The following MYOCD variants were observed in gnomAD, a reference collection of about 807,000 sequenced individuals.
The protein encoded by MYOCD is myocardin.
Under a neutral mutation model 96.1 loss-of-function variants are expected in MYOCD, and 32 were observed. That is an observed-to-expected ratio of 0.33 (90% CI 0.25 to 0.45). The LOEUF (loss-of-function observed/expected upper bound fraction) is 0.45, where lower values mean the gene tolerates loss of function less well. Ranked by LOEUF, MYOCD falls within the 20% of genes least tolerant of loss-of-function variation. The pLI, the probability that MYOCD is intolerant of heterozygous loss-of-function variation, is 1.00. For synonymous variants in MYOCD, 469 were observed against 469.0 expected (o/e 1.00, Z 0.00); for missense variants, 1,133 against 1,200.6 (o/e 0.94, Z 0.83).
rs7219813 is a variant in MYOCD at position 12,756,789 on chromosome 17, G to A, written c.2202+232G>A. Among the ~76,000 whole-genome samples, 38,611 of 151,452 alleles carry A rather than the reference G, an allele frequency of 0.25. 5,663 individuals are homozygous for A. Among genetic ancestry groups the A allele is most frequent in the East Asian group, 0.39 (1,989 of 5,132 alleles). On this transcript the variant is annotated intron_variant, in intron 11 of 13. Coordinates refer to ENST00000425538, the MANE Select transcript of MYOCD (RefSeq NM_001146312.3). ...ATGCTTACAACATTAAATGCTGGTGGGAGGGAGGGACAGATTGATTAGAAA... is the reference window on the plus strand; with the variant it reads ...ATGCTTACAACATTAAATGCTGGTGAGAGGGAGGGACAGATTGATTAGAAA...
At chr17:12,708,190 A>G (rs979990285) in intron 2 of MYOCD, among the ~76,000 whole-genome samples, 11 of 152,156 alleles carry the variant, frequency 7.2e-5, no homozygotes, top group African/African-American at 2.7e-4. Context: ...GGTTTTTCAG[A>G]TGTCCCAAAG....
At position 12,713,617 on chromosome 17, in the gene MYOCD, A is replaced by G. The variant is rs114888394; in HGVS notation, c.122-1902A>G. Among the ~76,000 whole-genome samples the G allele has an allele frequency of 5.3e-3, 803 of 152,322 alleles. 6 individuals carry two copies. Among genetic ancestry groups the G allele is most frequent in the African/African-American group, 0.018 (742 of 41,550 alleles). ...CCTAACTAAATGATTACCAGGAGATAGGACAGAGGTATTGATACAGATTGT... is the reference window on the plus strand; with the variant it reads ...CCTAACTAAATGATTACCAGGAGATGGGACAGAGGTATTGATACAGATTGT... On this transcript the variant is annotated intron_variant, in intron 2 of 13. Coordinates refer to ENST00000425538, the MANE Select transcript of MYOCD (RefSeq NM_001146312.3).
intron 13 of MYOCD, chr17:12,762,125 C>T (rs1042153406): frequency 5.3e-5 from 8 of 152,176 alleles, no homozygotes; most frequent in African/African-American, 1.7e-4. Context: ...AAAGTGAAAC[C>T]AAGTCAGCTT....
intron 11 of MYOCD, among the ~76,000 whole-genome samples, chr17:12,757,292 A>G (rs1423282235): frequency 6.6e-6 from 1 of 152,180 alleles, no homozygotes; most frequent in East Asian, 1.9e-4. Flanking sequence ...AGCCTGACAT[A>G]AAAGTGCCAC....
intron 5 of MYOCD, among the ~76,000 whole-genome samples, chr17:12,726,483 A>C (rs555793719): frequency 6.6e-6 from 1 of 151,228 alleles, no homozygotes; most frequent in Admixed American, 6.6e-5. Context: ...CCACTTATTA[A>C]AAAAAATCTC....
intron 1 of MYOCD, among the ~76,000 whole-genome samples, chr17:12,703,545 C>T (rs1409929135): frequency 6.6e-6 from 1 of 151,958 alleles, no homozygotes; most frequent in Non-Finnish European, 1.5e-5. Context: ...CATTCTTTAT[C>T]TCTGACAATA....
rs79462062 is a variant in MYOCD, at chr17:12,708,312, G to T, written c.121+3119G>T. On this transcript the variant is annotated intron_variant, in intron 2 of 13. Coordinates refer to ENST00000425538, the MANE Select transcript of MYOCD (RefSeq NM_001146312.3). ...TTTATTCATAAGATTTGAAATAGTT[G>T]CAATCTTTCTAAACATGTCATAAAT... Among the ~76,000 whole-genome samples the T allele has an allele frequency of 3.4e-3, 522 of 152,182 alleles. 6 individuals are homozygous for T. Among genetic ancestry groups the T allele is most frequent in the African/African-American group, 0.012 (494 of 41,508 alleles).
chr17:12,688,761 C>T (rs1226359600), intron 1 of MYOCD, among the ~76,000 whole-genome samples: 6 of 151,332 alleles, frequency 4.0e-5, no homozygotes, highest in Non-Finnish European at 7.4e-5. Flanking sequence ...TTCCTTCCTT[C>T]CTTCTTTCTT....
intron 5 of MYOCD, among the ~76,000 whole-genome samples, chr17:12,728,555 C>A (rs910646339): frequency 3.9e-5 from 6 of 152,196 alleles, no homozygotes; most frequent in African/African-American, 1.4e-4. Context: ...TTTCAGCTCA[C>A]CGCAACCTCT....
intron 11 of MYOCD, 100 bp from the exon 12 acceptor site, chr17:12,757,985 G>T: frequency 2.3e-6 from 2 of 882,788 alleles, no homozygotes; most frequent in Admixed American, 2.1e-5. Context: ...TTTCCTCTTA[G>T]ATCAATTTTT....
intron 1 of MYOCD, among the ~76,000 whole-genome samples, chr17:12,699,892 C>CTTTTTTTTTTTTTAACTTTT (rs2030975363): frequency 7.6e-6 from 1 of 131,798 alleles, no homozygotes; most frequent in Non-Finnish European, 1.6e-5. Flanking sequence ...ATATATATTT[C>CTTTTTTTTTTTTTAACTTTT]TTTTTTTTTT....
At position 12,682,480 on chromosome 17, in the gene MYOCD, C is replaced by G. The variant is rs558947954; in HGVS notation, c.55+16237C>G. Reference sequence around the variant, plus strand: ...GCAATAATGTCAAGGTCAAAGATTACATATAAGGATGCGTCCAGCTAAACC... The same window carrying G: ...GCAATAATGTCAAGGTCAAAGATTAGATATAAGGATGCGTCCAGCTAAACC... On this transcript the variant is annotated intron_variant, in intron 1 of 13. Coordinates refer to ENST00000425538, the MANE Select transcript of MYOCD (RefSeq NM_001146312.3). 2.0e-3 allele frequency among the ~76,000 whole-genome samples: 307 copies of G among 152,318 alleles called. 1 individual carries two copies. The highest frequency in any genetic ancestry group is 3.0e-3 in the Non-Finnish European group (202 of 68,034).
intron 13 of MYOCD, chr17:12,762,861 TCA>T (rs1219219524): frequency 8.9e-6 from 5 of 558,986 alleles, no homozygotes; most frequent in African/African-American, 1.9e-5. Context: ...AGTTTAATAA[TCA>T]CAGAGTGGAA....
At chr17:12,748,604 C>A (rs2032740486) in intron 9 of MYOCD, among the ~76,000 whole-genome samples, 1 of 152,136 alleles carries the variant, frequency 6.6e-6, no homozygotes. Flanking sequence ...TTGTCCTGAA[C>A]AAGCGCATAC....
chr17:12,705,437 C>T, intron 2 of MYOCD: 1 of 403,308 alleles, frequency 2.5e-6, no homozygotes, highest in Non-Finnish European at 4.4e-6. Context: ...GATTTGTTCT[C>T]AGGGTAAACA....
chr17:12,682,492 C>T (rs1455043414), intron 1 of MYOCD, among the ~76,000 whole-genome samples: 5 of 152,192 alleles, frequency 3.3e-5, no homozygotes, highest in South Asian at 4.1e-4. Context: ...TATAAGGATG[C>T]GTCCAGCTAA....
At chr17:12,707,568 G>A (rs1053306309) in intron 2 of MYOCD, among the ~76,000 whole-genome samples, 1 of 152,074 alleles carries the variant, frequency 6.6e-6, no homozygotes, top group Admixed American at 6.5e-5. Flanking sequence ...GAAAAAATTA[G>A]CCAGGTGTGG....
chr17:12,729,011 C>T (rs1175970789), intron 5 of MYOCD, among the ~76,000 whole-genome samples: 2 of 152,300 alleles, frequency 1.3e-5, no homozygotes, highest in South Asian at 2.1e-4. Context: ...CTCCTATTCA[C>T]TAAGAATCTA....
intron 6 of MYOCD, among the ~76,000 whole-genome samples, chr17:12,736,809 T>A (rs1328839382): frequency 6.6e-6 from 1 of 152,198 alleles, no homozygotes; most frequent in African/African-American, 2.4e-5. Flanking sequence ...CCCACGTTGC[T>A]TCTGCTTTTA....
Sources: gnomAD v4.1 joint callset for allele counts (sites outside exome capture counted in the v4.1 genomes callset) on GRCh38, gnomAD v4.1.1 for gene constraint, MANE v1.5 for transcripts, NCBI Gene and HGNC (gene_info 2026-07-23, HGNC 2026-07-21) for gene names.